The following ASH1L variants were observed in gnomAD, a reference collection of about 807,000 sequenced individuals.
ASH1L encodes histone-lysine N-methyltransferase ASH1L.
A neutral mutation model predicts 269.0 loss-of-function variants in ASH1L; 23 were observed. The observed-to-expected ratio is 0.09, with a 90% confidence interval of 0.06 to 0.12. The LOEUF is 0.12. ASH1L is among the 10% of genes least tolerant of loss of function. The pLI, the probability that ASH1L is intolerant of heterozygous loss-of-function variation, is 1.00. For missense variants in ASH1L, 2,912 were observed against 3,567.8 expected (o/e 0.82, Z 4.68); for synonymous variants, 1,187 against 1,253.5 (o/e 0.95, Z 1.12).
intron 1 of ASH1L, among the ~76,000 whole-genome samples, chr1:155,556,401 CGTGTGTGT>C (rs71080711): frequency 2.3e-3 from 321 of 140,556 alleles, no homozygotes; most frequent in Admixed American, 6.8e-3. Flanking sequence ...CATATATATA[CGTGTGTGT>C]GTGTGTGTGT....
intron 27 of ASH1L, 109 bp downstream of exon 27, chr1:155,337,980 C>T (rs750475715): frequency 7.4e-6 from 9 of 1,223,912 alleles, no homozygotes; most frequent in Non-Finnish European, 1.0e-5. Context: ...AAGAACTATA[C>T]CATTTTCTTA....
intron 12 of ASH1L, among the ~76,000 whole-genome samples, chr1:155,365,372 A>ATTTTTTTTTTTTTTTTTTTTT (rs142145021): frequency 8.0e-6 from 1 of 124,242 alleles, no homozygotes; most frequent in Non-Finnish European, 1.7e-5. Flanking sequence ...TGCCCGGCTG[A>ATTTTTTTTTTTTTTTTTTTTT]TTTTTTTTTT....
chr1:155,482,503 A>T (rs1007132244), intron 2 of ASH1L, 54 bp from the exon 3 acceptor site: 65 of 1,527,912 alleles, frequency 4.3e-5, no homozygotes, highest in Admixed American at 4.2e-5. Flanking sequence ...ACACCACTTT[A>T]GCTTAGCTTA....
At chr1:155,540,446 G>A (rs1004191244) in intron 1 of ASH1L, among the ~76,000 whole-genome samples, 3 of 152,110 alleles carry the variant, frequency 2.0e-5, no homozygotes, top group African/African-American at 7.2e-5. Flanking sequence ...GTTGTGAGCA[G>A]AGCAAGAGCA....
chr1:155,521,544 A>T lies in ASH1L; in HGVS notation c.-25T>A. 1 of 1,568,566 alleles carries T rather than the reference A, an allele frequency of 6.4e-7. No homozygotes were observed. The highest frequency in any genetic ancestry group is 2.2e-5 in the East Asian group (1 of 44,552). ...TCACAAGCGTATGTTATTGCCAAGG[A>T]ATCTTATGAAAATTTTACAGAACTG... is the stretch of plus-strand genomic sequence containing the variant. On this transcript the variant is annotated 5_prime_UTR_variant, in exon 2 of 28. Coordinates refer to ENST00000392403, the MANE Select transcript of ASH1L (RefSeq NM_018489.3).
At chr1:155,535,188 TAAA>T (rs762665819) in intron 1 of ASH1L, among the ~76,000 whole-genome samples, 4 of 137,596 alleles carry the variant, frequency 2.9e-5, no homozygotes, top group Non-Finnish European at 3.2e-5. Context: ...AAACTCCATT[TAAA>T]AAAAAAAAAA....
rs568250216 is a variant in ASH1L, at chr1:155,418,534, C to T, written c.5829-2611G>A. 9.2e-5 allele frequency among the ~76,000 whole-genome samples: 14 copies of T among 152,026 alleles called. No individual in the cohort carries two copies. The South Asian group carries it at 2.9e-3, about 32-fold the overall frequency. ...TCCCGGGAAAGGAGAAAACTTACTA[C>T]TAAAACAATTGGACACTTGTAAAGG... On this transcript the variant is annotated intron_variant, in intron 5 of 27. Coordinates refer to ENST00000392403, the MANE Select transcript of ASH1L (RefSeq NM_018489.3).
rs1467342934 is a variant in ASH1L, at chr1:155,562,752, G to A, written c.-699C>T. The A allele has an allele frequency of 1.7e-6, 2 of 1,168,466 alleles. No individual in the cohort carries two copies. The highest frequency in any genetic ancestry group is 2.4e-6 in the Non-Finnish European group (2 of 821,660). 72.4% of individuals were successfully genotyped at this position (1,168,466 alleles called of 1,614,324 possible). On this transcript the variant is annotated 5_prime_UTR_variant, in exon 1 of 28. Transcript: ENST00000392403. ...ACTACCCCTCAGGCCCTGTCAAGCC[G>A]GCGCCGGCGCAGGCCCTCACGCGTA...
At chr1:155,388,507 G>C (rs1657628203) in intron 7 of ASH1L, among the ~76,000 whole-genome samples, 1 of 151,894 alleles carries the variant, frequency 6.6e-6, no homozygotes, top group South Asian at 2.1e-4. Context: ...TCATTATGTT[G>C]TCCAGGCTGG....
At chr1:155,444,717 C>A (rs1281668257) in intron 4 of ASH1L, among the ~76,000 whole-genome samples, 1 of 151,458 alleles carries the variant, frequency 6.6e-6, no homozygotes, top group Admixed American at 6.6e-5. Flanking sequence ...CCGGGGTTCA[C>A]GGGATTCCTG....
chr1:155,360,808 T>C (rs1331048604), intron 12 of ASH1L, among the ~76,000 whole-genome samples: 1 of 152,198 alleles, frequency 6.6e-6, no homozygotes, highest in Non-Finnish European at 1.5e-5. Flanking sequence ...GAATCCTAAA[T>C]AATTTTTCTT....
At position 155,344,317 on chromosome 1, in the gene ASH1L, C is replaced by T. The variant is rs745926333; in HGVS notation, c.7891-44G>A. 1.9e-5 allele frequency: 27 copies of T among 1,384,626 alleles called. No homozygotes were observed. The South Asian group carries it at 2.9e-4, about 15-fold the overall frequency. The allele number at this position is 1,384,626 out of a possible 1,614,324, so 85.8% of individuals were successfully genotyped here. The stretch of plus-strand genomic sequence containing the variant: ...CAATGTATAAGGGCTGGAATTACTA[C>T]ATTCAGCCTACTTATTTCTCAACCT... On this transcript the variant is annotated intron_variant, in intron 21 of 27. Transcript: ENST00000392403.
chr1:155,397,499 GAAA>G (rs757786971), intron 6 of ASH1L, among the ~76,000 whole-genome samples: 2 of 104,984 alleles, frequency 1.9e-5, no homozygotes, highest in South Asian at 2.9e-4. Flanking sequence ...CTCTGTCTCA[GAAA>G]AAAAAAAAAA....
In ASH1L at chr1:155,503,891, A is replaced by C. The variant is rs544109864; in HGVS notation, c.420+17209T>G. Among the ~76,000 whole-genome samples, 4 of 152,268 alleles carry C rather than the reference A, an allele frequency of 2.6e-5. No homozygotes were observed. The South Asian group carries it at 8.3e-4, about 32-fold the overall frequency. ...AGGTGTAAGCCACCATGCCTGGCTAACATTTGTATTTTTTGTACAGGGGGG... is the reference window on the plus strand; with the variant it reads ...AGGTGTAAGCCACCATGCCTGGCTACCATTTGTATTTTTTGTACAGGGGGG... On this transcript the variant is annotated intron_variant, in intron 2 of 27. Transcript: ENST00000392403.
rs779608311 is a variant in ASH1L, at chr1:155,478,965, C to T, written c.3905G>A (p.Arg1302Gln). ...EELISRLSEI[R>Q]ITHRSHHFIP... ...AAAATGATGACTTCGATGAGTGATCCGAATTTCACTTAGGCGACTTATTAG... is the reference window on the plus strand; with the variant it reads ...AAAATGATGACTTCGATGAGTGATCTGAATTTCACTTAGGCGACTTATTAG... Residue 1302 changes from arginine to glutamine, a missense_variant, in exon 3 of 28, where the codon CGG (arginine) becomes CAG (glutamine). Arg to Gln is a conservative substitution (Grantham distance 43). Transcript: ENST00000392403. The surrounding 1 kb of genome is among the most constrained non-coding windows in gnomAD (Gnocchi z 4.6). The T allele has an allele frequency of 8.1e-6, 13 of 1,613,392 alleles. No individual in the cohort carries two copies. Among genetic ancestry groups the T allele is most frequent in the African/African-American group, 6.7e-5 (5 of 74,828 alleles).
In ASH1L at chr1:155,562,629, C is replaced by A; in HGVS notation, c.-576G>T. On this transcript the variant is annotated 5_prime_UTR_variant, in exon 1 of 28. Transcript: ENST00000392403. ...GCACGCGTACGAGTGTCTACGGGCT[C>A]GTCGCTGGCTGCTCCCACCAACCAC... The A allele has an allele frequency of 6.5e-7, 1 of 1,526,816 alleles. No individual in the cohort carries two copies. Among genetic ancestry groups the A allele is most frequent in the Non-Finnish European group, 8.8e-7 (1 of 1,140,980 alleles). The allele number at this position is 1,526,816 out of a possible 1,614,324, so 94.6% of individuals were successfully genotyped here.
intron 4 of ASH1L, among the ~76,000 whole-genome samples, chr1:155,457,694 C>G (rs1663964120): frequency 6.6e-6 from 1 of 152,214 alleles, no homozygotes; most frequent in Admixed American, 6.5e-5. Context: ...GTAACTCAAT[C>G]TTACTCGTAT....
At chr1:155,412,071 G>A (rs1351916988) in intron 6 of ASH1L, among the ~76,000 whole-genome samples, 5 of 151,864 alleles carry the variant, frequency 3.3e-5, no homozygotes, top group South Asian at 2.1e-4. Flanking sequence ...GTGAAACCCC[G>A]TCTCTACTAA....
intron 7 of ASH1L, among the ~76,000 whole-genome samples, chr1:155,394,040 C>G (rs779488869): frequency 6.6e-6 from 1 of 151,994 alleles, no homozygotes; most frequent in Non-Finnish European, 1.5e-5. Flanking sequence ...CAAAGAGAGA[C>G]GAAGCCTCTT....
Sources: allele counts gnomAD v4.1 joint callset (sites outside exome capture counted in the v4.1 genomes callset), GRCh38; gene constraint gnomAD v4.1.1; non-coding constraint Gnocchi (gnomAD v3.1); transcripts MANE v1.5; gene names NCBI Gene and HGNC (gene_info 2026-07-23, HGNC 2026-07-21).